The following MYO5A variants were observed in gnomAD, a reference collection of about 807,000 sequenced individuals.
MYO5A encodes unconventional myosin-Va.
In MYO5A, 98 loss-of-function variants were observed where a neutral mutation model predicts 249.7. That is an observed-to-expected ratio of 0.39 (90% confidence interval 0.33 to 0.46). The LOEUF (loss-of-function observed/expected upper bound fraction) is 0.46. Among genes scored for constraint, MYO5A ranks in the 20% least tolerant of loss-of-function variants. The pLI is 0.98. For synonymous variants in MYO5A, 778 were observed against 810.6 expected, an observed-to-expected ratio of 0.96 and a Z score of 0.68; for missense variants, 1,696 against 2,308.8, an observed-to-expected ratio of 0.73 and a Z score of 5.44.
intron 36 of MYO5A, among the ~76,000 whole-genome samples, chr15:52,326,678 T>G (rs144150116): frequency 2.0e-4 from 31 of 152,356 alleles, no homozygotes; most frequent in African/African-American, 7.0e-4. Context: ...CACGTAACTG[T>G]ACACTTAAAA....
intron 1 of MYO5A, among the ~76,000 whole-genome samples, chr15:52,524,221 C>T (rs1282558168): frequency 6.6e-6 from 1 of 152,128 alleles, no homozygotes; most frequent in African/African-American, 2.4e-5. Context: ...AAAAACAAAA[C>T]AAAACACAAA....
At position 52,311,982 on chromosome 15, in the gene MYO5A, G is replaced by T. The variant is rs1469269242; in HGVS notation, c.*1714C>A. 2 of 152,462 alleles carry T rather than the reference G, an allele frequency of 1.3e-5. No individual in the cohort carries two copies. The highest frequency in any genetic ancestry group is 6.6e-5 in the Admixed American group (1 of 15,266). The allele number at this position is 152,462 out of a possible 1,614,324, so 9.4% of individuals were successfully genotyped here. A position where few individuals can be genotyped will look rare whatever the true frequency, so the allele number is the denominator to read the frequency against. ...AGTTAAATTTATATAACCTATGATT[G>T]TAATTCAGAACCAGAGTTTCTAATG... On this transcript the variant is annotated 3_prime_UTR_variant, in exon 42 of 42. Coordinates refer to ENST00000399233, the MANE Select transcript of MYO5A (RefSeq NM_001382347.1).
chr15:52,402,426 C>T (rs1314428119), intron 9 of MYO5A, among the ~76,000 whole-genome samples: 5 of 152,098 alleles, frequency 3.3e-5, no homozygotes, highest in Non-Finnish European at 7.3e-5. Flanking sequence ...TTATATGGGT[C>T]CTGTGTCTTT....
rs190134116 is a variant in MYO5A, at chr15:52,407,478, G to A, written c.839-79C>T. ...AACCTTATGTCCACTCTGAATCAGA[G>A]GTGGTGATAGCACAGTTGAGTGTAC... On this transcript the variant is annotated intron_variant, in intron 7 of 41. Transcript: ENST00000399233. The A allele has an allele frequency of 8.6e-5, 80 of 933,294 alleles. No homozygotes were observed. In the African/African-American group the frequency reaches 1.1e-3, roughly 13 times the overall value. The allele number at this position is 933,294 out of a possible 1,614,324, so 57.8% of individuals were successfully genotyped here.
intron 23 of MYO5A, among the ~76,000 whole-genome samples, chr15:52,366,574 GT>G (rs934905305): frequency 8.8e-6 from 1 of 113,192 alleles, no homozygotes; most frequent in African/African-American, 3.2e-5. Flanking sequence ...AAAAATTAGT[GT>G]TTTTTTAGAC....
At chr15:52,321,311 G>C in intron 38 of MYO5A, 48 bp downstream of exon 38, 1 of 1,611,960 alleles carries the variant, frequency 6.2e-7, no homozygotes, top group African/African-American at 1.3e-5. Flanking sequence ...TTATCGATGG[G>C]CATGAATGAT....
At chr15:52,358,538 G>T (rs1312354343) in intron 25 of MYO5A, among the ~76,000 whole-genome samples, 2 of 152,074 alleles carry the variant, frequency 1.3e-5, no homozygotes, top group Non-Finnish European at 2.9e-5. Context: ...GATTTTCTTT[G>T]ATCAGAATGC....
chr15:52,496,256 T>A (rs2077036148), intron 1 of MYO5A, among the ~76,000 whole-genome samples: 1 of 152,156 alleles, frequency 6.6e-6, no homozygotes, highest in Non-Finnish European at 1.5e-5. Flanking sequence ...TGGCTCATCA[T>A]CCCTCTTGGT....
intron 4 of MYO5A, among the ~76,000 whole-genome samples, chr15:52,423,976 T>A (rs937882948): frequency 2.6e-5 from 4 of 152,220 alleles, no homozygotes; most frequent in African/African-American, 9.6e-5. Flanking sequence ...GTCATATAAT[T>A]CTCTGAGCAC....
At chr15:52,510,806 C>T (rs1444134626) in intron 1 of MYO5A, among the ~76,000 whole-genome samples, 1 of 152,214 alleles carries the variant, frequency 6.6e-6, no homozygotes, top group Non-Finnish European at 1.5e-5. Flanking sequence ...AGGTTGGGGA[C>T]CGCTGACCTA....
intron 21 of MYO5A, 122 bp from the exon 22 acceptor site, chr15:52,370,539 A>G (rs1370976376): frequency 9.8e-7 from 1 of 1,018,912 alleles, no homozygotes; most frequent in African/African-American, 1.6e-5. Flanking sequence ...ATAGTATCCA[A>G]CCAAAATACT....
At chr15:52,384,103 G>C in intron 15 of MYO5A, 58 bp downstream of exon 15, 1 of 1,606,050 alleles carries the variant, frequency 6.2e-7, no homozygotes, top group Non-Finnish European at 8.5e-7. Context: ...GGGAAGATCT[G>C]AGGTTTCAGA....
chr15:52,481,238 T>C (rs2076708530), intron 1 of MYO5A, among the ~76,000 whole-genome samples: 1 of 152,234 alleles, frequency 6.6e-6, no homozygotes. Flanking sequence ...GCTAGGTATG[T>C]CCTTGCTGAA....
At chr15:52,527,414 A>C (rs1219053826) in intron 1 of MYO5A, among the ~76,000 whole-genome samples, 1 of 152,260 alleles carries the variant, frequency 6.6e-6, no homozygotes, top group African/African-American at 2.4e-5. Context: ...TACCAGGTTG[A>C]GAGAGAAGTT....
chr15:52,367,501 A>T (rs2040868233), intron 22 of MYO5A, among the ~76,000 whole-genome samples: 1 of 152,202 alleles, frequency 6.6e-6, no homozygotes, highest in African/African-American at 2.4e-5. Context: ...ATTAAACATT[A>T]AAAAATTGCC....
At chr15:52,420,163 G>A (rs1356469260) in intron 4 of MYO5A, among the ~76,000 whole-genome samples, 1 of 151,978 alleles carries the variant, frequency 6.6e-6, no homozygotes, top group Non-Finnish European at 1.5e-5. Flanking sequence ...AAATTAGCTG[G>A]GCATCACTGC....
chr15:52,321,897 T>C (rs1393370619), intron 37 of MYO5A, among the ~76,000 whole-genome samples: 1 of 152,090 alleles, frequency 6.6e-6, no homozygotes, highest in East Asian at 1.9e-4. Flanking sequence ...CAGTTCTTTA[T>C]AGTCCTATTC....
intron 19 of MYO5A, among the ~76,000 whole-genome samples, chr15:52,376,022 C>A (rs2041392481): frequency 1.3e-5 from 2 of 152,182 alleles, no homozygotes; most frequent in Admixed American, 6.5e-5. Flanking sequence ...AAAAATTATA[C>A]AATGAAGTCA....
At chr15:52,461,898 T>C (rs1269847137) in intron 1 of MYO5A, among the ~76,000 whole-genome samples, 2 of 147,738 alleles carry the variant, frequency 1.4e-5, no homozygotes, top group Non-Finnish European at 3.0e-5. Flanking sequence ...AAGGCAGAGG[T>C]TGTGGTGAGC....
Sources: gnomAD v4.1 joint callset for allele counts (sites outside exome capture counted in the v4.1 genomes callset) on GRCh38, gnomAD v4.1.1 for gene constraint, MANE v1.5 for transcripts, NCBI Gene and HGNC (gene_info 2026-07-23, HGNC 2026-07-21) for gene names.